The following PLBD1 variants were observed in gnomAD, a reference collection of about 807,000 sequenced individuals.
PLBD1 encodes lysosomal leucine aminopeptidase.
PLBD1 carries 60 observed loss-of-function variants against 63.0 expected under a neutral mutation model. That is an observed-to-expected ratio of 0.95 (90% confidence interval 0.77 to 1.18). The LOEUF (loss-of-function observed/expected upper bound fraction) is 1.18, where lower values mean the gene tolerates loss of function less well. Ranked by LOEUF, PLBD1 falls within the 50% of genes most tolerant of loss-of-function variation. The probability of loss-of-function intolerance (pLI) is 0.00; values close to 1 mark genes in which losing one functional copy is unlikely to be tolerated. For synonymous variants in PLBD1, 262 were observed against 248.0 expected (o/e 1.06, Z -0.53); for missense variants, 598 against 677.9 (o/e 0.88, Z 1.31).
At chr12:14,547,302 C>T (rs960082728) in intron 2 of PLBD1, among the ~76,000 whole-genome samples, 3 of 151,748 alleles carry the variant, frequency 2.0e-5, no homozygotes, top group Admixed American at 2.0e-4. Context: ...GGGGCCTCAG[C>T]CAGTCCTGCC....
rs771317551 is a variant in PLBD1 at position 14,506,891 on chromosome 12, A to G, written c.1372+42T>C. 54 of 1,566,428 alleles carry G rather than the reference A, an allele frequency of 3.4e-5. No individual in the cohort carries two copies. The South Asian group carries it at 5.8e-4, about 17-fold the overall frequency. ...TGGATTCTGTATCCATAGGGAAGAA[A>G]AGGAGTTTTGAAGAATGATTCTTGA... is the stretch of plus-strand genomic sequence containing the variant. On this transcript the variant is annotated intron_variant, in intron 9 of 10. Coordinates refer to ENST00000240617, the MANE Select transcript of PLBD1 (RefSeq NM_024829.6).
chr12:14,506,587 A>T (rs1383936923), intron 9 of PLBD1, among the ~76,000 whole-genome samples: 1 of 152,248 alleles, frequency 6.6e-6, no homozygotes, highest in African/African-American at 2.4e-5. Flanking sequence ...ATACAAAAAA[A>T]ATGAGGTATT....
chr12:14,539,284 T>G (rs1308178864), intron 4 of PLBD1, among the ~76,000 whole-genome samples: 3 of 152,032 alleles, frequency 2.0e-5, no homozygotes, highest in African/African-American at 7.2e-5. Context: ...AACTCACAGT[T>G]TACGAAATGG....
intron 2 of PLBD1, among the ~76,000 whole-genome samples, chr12:14,546,747 A>G (rs1340394334): frequency 6.6e-6 from 1 of 152,242 alleles, no homozygotes; most frequent in African/African-American, 2.4e-5. Flanking sequence ...AAAATCCTTA[A>G]ACAGAGGAAC....
chr12:14,537,771 A>G (rs1945531569), intron 4 of PLBD1, among the ~76,000 whole-genome samples: 1 of 152,176 alleles, frequency 6.6e-6, no homozygotes. Flanking sequence ...GCAAAAATTC[A>G]ATCCAATTTT....
At chr12:14,523,371 AT>A (rs894490382) in intron 6 of PLBD1, among the ~76,000 whole-genome samples, 24 of 152,156 alleles carry the variant, frequency 1.6e-4, no homozygotes, top group Admixed American at 1.2e-3. Flanking sequence ...ATGTTTACGG[AT>A]TTGAGGAATT....
At chr12:14,540,015 TATATATATATA>T (rs1565577499) in intron 4 of PLBD1, among the ~76,000 whole-genome samples, 14 of 10,872 alleles carry the variant, frequency 1.3e-3, no homozygotes, top group African/African-American at 1.5e-3. Flanking sequence ...GCTATGCACA[TATATATATATA>T]TATATATATA....
intron 2 of PLBD1, among the ~76,000 whole-genome samples, chr12:14,550,172 C>G (rs1412825061): frequency 6.6e-6 from 1 of 152,230 alleles, no homozygotes; most frequent in African/African-American, 2.4e-5. Flanking sequence ...GTGCTTTTCT[C>G]TCTTGTACTC....
chr12:14,514,031 G>A (rs532093418), intron 6 of PLBD1, among the ~76,000 whole-genome samples: 2 of 151,970 alleles, frequency 1.3e-5, no homozygotes, highest in African/African-American at 2.4e-5. Flanking sequence ...TGCCCGCCTC[G>A]GCCTCCCAAA....
At chr12:14,560,306 T>A (rs1190908986) in intron 1 of PLBD1, among the ~76,000 whole-genome samples, 4 of 152,190 alleles carry the variant, frequency 2.6e-5, no homozygotes, top group African/African-American at 9.7e-5. Flanking sequence ...AGCACCTCAT[T>A]TATGAAAGAG....
intron 1 of PLBD1, among the ~76,000 whole-genome samples, chr12:14,558,827 T>C (rs1945726576): frequency 6.6e-6 from 1 of 152,184 alleles, no homozygotes; most frequent in African/African-American, 2.4e-5. Context: ...AAAAGAAACT[T>C]CTGCAAATAT....
chr12:14,525,414 G>A (rs1011819654), intron 6 of PLBD1, among the ~76,000 whole-genome samples: 1 of 152,024 alleles, frequency 6.6e-6, no homozygotes, highest in African/African-American at 2.4e-5. Context: ...GTGCAAAAAT[G>A]TTTAGCATCT....
Position 14,520,639 on chromosome 12 carries a change from G to GTACAATAA in PLBD1, c.845-8929_845-8928insTTATTGTA, listed in dbSNP as rs1565572750. On this transcript the variant is annotated intron_variant, in intron 6 of 10. Transcript: ENST00000240617. ...TTCCGAAGGAGTACAATAAGGGAGG[G>GTACAATAA]GCAGAGACCCAGTGGAGCATGGAGA... 6.6e-5 allele frequency among the ~76,000 whole-genome samples: 10 copies of GTACAATAA among 152,244 alleles called. No individual in the cohort carries two copies. The East Asian group carries it at 1.9e-3, about 29-fold the overall frequency.
intron 1 of PLBD1, among the ~76,000 whole-genome samples, chr12:14,558,915 T>C (rs79035494): frequency 0.026 from 3,993 of 152,278 alleles, 163 homozygotes; most frequent in African/African-American, 0.091. Context: ...GTGAGAAAAA[T>C]GTCCTGCCAA....
intron 1 of PLBD1, among the ~76,000 whole-genome samples, chr12:14,565,883 A>T (rs1034310031): frequency 6.6e-6 from 1 of 152,154 alleles, no homozygotes. Flanking sequence ...TTCATCTCAG[A>T]AATGTCCTTA....
rs1945517064 is a variant in PLBD1 at position 14,536,576 on chromosome 12, A to G, written c.693T>C (p.Leu231=). ...AGGAGCTGCTATGTCTTACCTTGAT[A>G]AGAGCGGAGCAATGTCCCATGTCCC... is the stretch of plus-strand genomic sequence containing the variant. ...KRWDMGHCSA[L]IKVLPGFENI... Residue 231 remains leucine (L), a synonymous_variant, in exon 5 of 11, where the codon CTT becomes CTC. Transcript: ENST00000240617. 6.2e-7 allele frequency: 1 copy of G among 1,614,128 alleles called. No homozygotes were observed. The highest frequency in any genetic ancestry group is 1.7e-5 in the Admixed American group (1 of 60,010).
intron 8 of PLBD1, 24 bp downstream of exon 8, chr12:14,511,236 A>G (rs773524183): frequency 1.3e-6 from 2 of 1,557,480 alleles, no homozygotes; most frequent in Non-Finnish European, 1.7e-6. Flanking sequence ...TCAGGTTTTA[A>G]GACTTACGAC....
intron 2 of PLBD1, among the ~76,000 whole-genome samples, chr12:14,545,596 C>G (rs1044997626): frequency 1.3e-5 from 2 of 152,194 alleles, no homozygotes; most frequent in Admixed American, 1.3e-4. Context: ...ATGCTTTTCA[C>G]TGATGTAGGG....
At chr12:14,548,445 A>C (rs1945632123) in intron 2 of PLBD1, among the ~76,000 whole-genome samples, 1 of 112,682 alleles carries the variant, frequency 8.9e-6, no homozygotes, top group Non-Finnish European at 1.7e-5. Context: ...TAACACAGGG[A>C]GACTCCATCT....
Sources: gnomAD v4.1 joint callset for allele counts (sites outside exome capture counted in the v4.1 genomes callset) on GRCh38, gnomAD v4.1.1 for gene constraint, MANE v1.5 for transcripts, NCBI Gene and HGNC (gene_info 2026-07-23, HGNC 2026-07-21) for gene names.